The following HIPK2 variants were observed in gnomAD, a reference collection of about 807,000 sequenced individuals.
HIPK2 encodes homeodomain interacting protein kinase 2, also known as homeodomain-interacting protein kinase 2.
A neutral mutation model predicts 113.7 loss-of-function variants in HIPK2; 27 were observed. The ratio of observed to expected loss-of-function variants is 0.24; its 90% CI spans 0.17 to 0.33. The LOEUF (loss-of-function observed/expected upper bound fraction) is 0.33. Ranked by LOEUF, HIPK2 falls within the 10% of genes least tolerant of loss-of-function variation. The probability of loss-of-function intolerance (pLI) is 1.00; values close to 1 mark genes in which losing one functional copy is unlikely to be tolerated. For missense variants in HIPK2, 1,257 were observed against 1,588.0 expected, an observed-to-expected ratio of 0.79 and a Z score of 3.54; for synonymous variants, 631 against 642.2, an observed-to-expected ratio of 0.98 and a Z score of 0.26.
chr7:139,689,059 C>T (rs886413203), intron 2 of HIPK2, among the ~76,000 whole-genome samples: 2 of 152,138 alleles, frequency 1.3e-5, no homozygotes, highest in African/African-American at 4.8e-5. Flanking sequence ...TTCCTAACTG[C>T]CAAGTGGTGG....
At chr7:139,640,295 C>T (rs1800965256) in intron 2 of HIPK2, among the ~76,000 whole-genome samples, 1 of 152,220 alleles carries the variant, frequency 6.6e-6, no homozygotes, top group African/African-American at 2.4e-5. Flanking sequence ...GATGATTTAG[C>T]TCCACTCGCT....
intron 2 of HIPK2, among the ~76,000 whole-genome samples, chr7:139,643,485 T>G (rs180710686): frequency 6.6e-6 from 1 of 152,278 alleles, no homozygotes; most frequent in East Asian, 1.9e-4. Context: ...ACTCACTTGT[T>G]TACATGCCAG....
intron 2 of HIPK2, among the ~76,000 whole-genome samples, chr7:139,691,864 C>A (rs77329210): frequency 0.074 from 11,265 of 151,926 alleles, 641 homozygotes; most frequent in African/African-American, 0.17. Flanking sequence ...ATTAATACCT[C>A]AAAAATAAAT....
chr7:139,662,635 T>C (rs1801906523), intron 2 of HIPK2, among the ~76,000 whole-genome samples: 1 of 144,382 alleles, frequency 6.9e-6, no homozygotes, highest in Non-Finnish European at 1.5e-5. Context: ...TTTTTTTTTT[T>C]TTGAGACGGA....
At chr7:139,600,681 A>C in intron 10 of HIPK2, 85 bp from the exon 11 acceptor site, 4 of 1,451,222 alleles carry the variant, frequency 2.8e-6, no homozygotes, top group Non-Finnish European at 3.8e-6. Context: ...CTCCCCAATT[A>C]AACGCTGACT....
Position 139,751,486 on chromosome 7 carries a change from G to C in HIPK2, c.19+26119C>G, listed in dbSNP as rs181594972. ...TTATAGCCTATAAGAAGGGGAGAGAGAACAGCTGGGACCTTTGGGGAAGGT... is the reference window on the plus strand; with the variant it reads ...TTATAGCCTATAAGAAGGGGAGAGACAACAGCTGGGACCTTTGGGGAAGGT... On this transcript the variant is annotated intron_variant, in intron 1 of 14. Coordinates refer to ENST00000406875, the MANE Select transcript of HIPK2 (RefSeq NM_022740.5). 3.7e-3 allele frequency among the ~76,000 whole-genome samples: 540 copies of C among 147,432 alleles called. 1 individual carries two copies. Among genetic ancestry groups the C allele is most frequent in the Non-Finnish European group, 5.7e-3 (382 of 66,646 alleles).
At chr7:139,597,034 G>C in intron 11 of HIPK2, 36 bp from the exon 12 acceptor site, 1 of 1,559,394 alleles carries the variant, frequency 6.4e-7, no homozygotes, top group South Asian at 1.2e-5. Flanking sequence ...CACAGAGGAA[G>C]GTCAGGCCCC....
At position 139,573,191 on chromosome 7, in the gene HIPK2, C is replaced by T; in HGVS notation, c.3333G>A (p.Leu1111=). ...HLYTYTAPAA[L]GSTGTVAHLV... ...GGTGGGCCACGGTGCCGGTGGAGCCCAGGGCCGCCGGCGCAGTGTAGGTGT... is the reference window on the plus strand; with the variant it reads ...GGTGGGCCACGGTGCCGGTGGAGCCTAGGGCCGCCGGCGCAGTGTAGGTGT... The change falls in exon 15 of 15, where the codon CTG becomes CTA. Residue 1111 remains leucine, a synonymous_variant. Transcript: ENST00000406875. The T allele has an allele frequency of 6.2e-7, 1 of 1,607,794 alleles. No individual in the cohort carries two copies. The highest frequency in any genetic ancestry group is 8.5e-7 in the Non-Finnish European group (1 of 1,179,142).
intron 1 of HIPK2, among the ~76,000 whole-genome samples, chr7:139,741,692 T>C (rs1796102114): frequency 6.6e-6 from 1 of 152,178 alleles, no homozygotes; most frequent in Admixed American, 6.5e-5. Flanking sequence ...CAGTTCAGTA[T>C]AGCTCTGAAT....
chr7:139,635,606 C>T lies in HIPK2; in HGVS notation c.1104-3881G>A, dbSNP rs546109355. Among the ~76,000 whole-genome samples, 44 of 152,134 alleles carry T rather than the reference C, an allele frequency of 2.9e-4. No individual in the cohort carries two copies. In the South Asian group the frequency reaches 9.0e-3, roughly 31 times the overall value. ...ATGAAATGGCAGCCATTCACGGTAC[C>T]ATGATACGTGCCGCAGAATGTTCCT... is the stretch of plus-strand genomic sequence containing the variant. On this transcript the variant is annotated intron_variant, in intron 2 of 14. Coordinates refer to ENST00000406875, the MANE Select transcript of HIPK2 (RefSeq NM_022740.5).
intron 6 of HIPK2, among the ~76,000 whole-genome samples, chr7:139,623,368 G>A (rs940708629): frequency 6.6e-6 from 1 of 151,926 alleles, no homozygotes; most frequent in African/African-American, 2.4e-5. Context: ...AAAATTAGTC[G>A]GGTGTGGTGC....
At chr7:139,739,641 C>G (rs911269623) in intron 1 of HIPK2, among the ~76,000 whole-genome samples, 1 of 151,896 alleles carries the variant, frequency 6.6e-6, no homozygotes. Context: ...GTGACCATCA[C>G]TGCTATCTAA....
At position 139,631,409 on chromosome 7, in the gene HIPK2, A is replaced by G; in HGVS notation, c.1228-125T>C. 1 of 1,442,148 alleles carries G rather than the reference A, an allele frequency of 6.9e-7. No individual in the cohort carries two copies. The highest frequency in any genetic ancestry group is 1.5e-5 in the South Asian group (1 of 68,872). The allele number at this position is 1,442,148 out of a possible 1,614,324, so 89.3% of individuals were successfully genotyped here. On this transcript the variant is annotated intron_variant, in intron 3 of 14. Coordinates refer to ENST00000406875, the MANE Select transcript of HIPK2 (RefSeq NM_022740.5). The surrounding 1 kb of genome is among the most constrained non-coding windows in gnomAD (Gnocchi z 4.9). ...TTTTGTAGGGAAAGAAGTTAACAAA[A>G]AAGAGAAAAAAGAAAAAGGGAAAAG...
chr7:139,663,945 G>C (rs924682905), intron 2 of HIPK2, among the ~76,000 whole-genome samples: 5 of 152,162 alleles, frequency 3.3e-5, no homozygotes, highest in Non-Finnish European at 7.3e-5. Context: ...CCAAGCCAGT[G>C]TCCACATACA....
At chr7:139,655,536 C>T (rs945622033) in intron 2 of HIPK2, among the ~76,000 whole-genome samples, 3 of 152,202 alleles carry the variant, frequency 2.0e-5, no homozygotes, top group African/African-American at 7.2e-5. Context: ...CTTCTTGGCT[C>T]TTGCTTCTGA....
intron 2 of HIPK2, among the ~76,000 whole-genome samples, chr7:139,686,004 C>T (rs1794205601): frequency 6.6e-6 from 1 of 152,152 alleles, no homozygotes; most frequent in Admixed American, 6.5e-5. Context: ...ACAGTGAGTC[C>T]TCTGATGGAT....
intron 2 of HIPK2, among the ~76,000 whole-genome samples, chr7:139,705,415 C>G (rs533996534): frequency 6.6e-6 from 1 of 151,632 alleles, no homozygotes; most frequent in African/African-American, 2.4e-5. Flanking sequence ...CTCGCTATGT[C>G]GCCCAGGCTG....
At chr7:139,616,309 G>T (rs1800041851) in intron 7 of HIPK2, among the ~76,000 whole-genome samples, 1 of 152,150 alleles carries the variant, frequency 6.6e-6, no homozygotes, top group Non-Finnish European at 1.5e-5. Flanking sequence ...GCCTTCTTGA[G>T]CACAGAGGGT....
intron 9 of HIPK2, among the ~76,000 whole-genome samples, chr7:139,607,404 T>C (rs1256281647): frequency 6.6e-6 from 1 of 152,080 alleles, no homozygotes; most frequent in Non-Finnish European, 1.5e-5. Flanking sequence ...CATGTAGTCA[T>C]GAAATGTGAG....
Sources: gnomAD v4.1 joint callset for allele counts (sites outside exome capture counted in the v4.1 genomes callset) on GRCh38, gnomAD v4.1.1 for gene constraint, Gnocchi (gnomAD v3.1) non-coding constraint, MANE v1.5 for transcripts, NCBI Gene and HGNC (gene_info 2026-07-23, HGNC 2026-07-21) for gene names.